Variants in CEP112 observed in about 807,000 individuals in gnomAD.
CEP112 encodes centrosomal protein of 112 kDa.
Under a neutral mutation model 153.0 loss-of-function variants are expected in CEP112, and 127 were observed. The observed-to-expected ratio is 0.83, with a 90% confidence interval of 0.72 to 0.96. The LOEUF (loss-of-function observed/expected upper bound fraction) is 0.96. Among genes scored for constraint, CEP112 ranks in the 40% least tolerant of loss-of-function variants. The pLI is 0.00. For synonymous variants in CEP112, 358 were observed against 374.4 expected (o/e 0.96, Z 0.51); for missense variants, 1,089 against 1,101.2 (o/e 0.99, Z 0.16).
At chr17:66,152,293 A>G (rs1452003152) in intron 4 of CEP112, among the ~76,000 whole-genome samples, 1 of 152,218 alleles carries the variant, frequency 6.6e-6, no homozygotes, top group Non-Finnish European at 1.5e-5. Context: ...CTTTTTACAT[A>G]GAGATAGAAA....
intron 17 of CEP112, among the ~76,000 whole-genome samples, chr17:65,981,020 T>C (rs927699859): frequency 1.3e-5 from 2 of 152,156 alleles, no homozygotes; most frequent in Admixed American, 1.3e-4. Context: ...TTCTCCATGT[T>C]GACCAGGCTG....
intron 23 of CEP112, among the ~76,000 whole-genome samples, chr17:65,701,150 A>G (rs2048611642): frequency 1.3e-5 from 2 of 152,192 alleles, no homozygotes; most frequent in African/African-American, 4.8e-5. Context: ...GATTTGGACA[A>G]GAGATGGCGA....
chr17:65,668,631 C>T (rs2046817976), intron 24 of CEP112, among the ~76,000 whole-genome samples: 1 of 152,194 alleles, frequency 6.6e-6, no homozygotes, highest in Non-Finnish European at 1.5e-5. Flanking sequence ...AATAAAAGTG[C>T]TCTCTCACAA....
intron 12 of CEP112, among the ~76,000 whole-genome samples, chr17:66,044,148 C>T (rs909591708): frequency 6.6e-6 from 1 of 152,090 alleles, no homozygotes; most frequent in Admixed American, 6.5e-5. Flanking sequence ...GGCTCCAAAG[C>T]ATGACTTTTC....
chr17:65,715,695 C>G (rs1367634310), intron 23 of CEP112, among the ~76,000 whole-genome samples: 1 of 152,194 alleles, frequency 6.6e-6, no homozygotes, highest in Non-Finnish European at 1.5e-5. Flanking sequence ...TTGTGATCCA[C>G]CCGCCTCGGC....
At chr17:65,971,415 A>AGCACATATATTGGGTGCATGTGATGTAT (rs148309566) in intron 17 of CEP112, among the ~76,000 whole-genome samples, 1 of 151,416 alleles carries the variant, frequency 6.6e-6, no homozygotes, top group African/African-American at 2.4e-5. Context: ...GCACCCATGC[A>AGCACATATATTGGGTGCATGTGATGTAT]GCATGCTGCA....
At chr17:66,170,638 C>A (rs1229422246) in intron 4 of CEP112, among the ~76,000 whole-genome samples, 1 of 152,042 alleles carries the variant, frequency 6.6e-6, no homozygotes, top group Non-Finnish European at 1.5e-5. Context: ...TGGTACGCAC[C>A]TGTAATCCCA....
At chr17:65,904,526 C>T (rs2059999372) in intron 19 of CEP112, among the ~76,000 whole-genome samples, 1 of 152,180 alleles carries the variant, frequency 6.6e-6, no homozygotes, top group African/African-American at 2.4e-5. Flanking sequence ...GGCCATGCTG[C>T]CCGAAGTAAT....
At chr17:66,074,920 G>A (rs1284159170) in intron 8 of CEP112, among the ~76,000 whole-genome samples, 1 of 147,492 alleles carries the variant, frequency 6.8e-6, no homozygotes, top group Non-Finnish European at 1.5e-5. Flanking sequence ...GAGGAAAACA[G>A]GCATTACATT....
At chr17:65,996,348 T>C (rs574667810) in intron 17 of CEP112, among the ~76,000 whole-genome samples, 1 of 140,248 alleles carries the variant, frequency 7.1e-6, no homozygotes, top group East Asian at 2.7e-4. Flanking sequence ...AAAGAAAATA[T>C]TTTTAAAATC....
At chr17:65,971,127 G>T (rs568382878) in intron 17 of CEP112, among the ~76,000 whole-genome samples, 17 of 152,182 alleles carry the variant, frequency 1.1e-4, no homozygotes, top group African/African-American at 3.6e-4. Context: ...GCGTGTATGA[G>T]ATTTATATTG....
intron 6 of CEP112, among the ~76,000 whole-genome samples, chr17:66,106,515 C>T (rs181352469): frequency 3.3e-5 from 5 of 152,068 alleles, no homozygotes; most frequent in Admixed American, 3.3e-4. Flanking sequence ...CTATGAGCAA[C>T]TATATGCTAA....
Position 66,029,128 on chromosome 17 carries a change from A to G in CEP112, c.1498T>C (p.Ser500Pro), listed in dbSNP as rs2065349531. The G allele has an allele frequency of 1.9e-6, 3 of 1,599,242 alleles. No individual in the cohort carries two copies. The highest frequency in any genetic ancestry group is 2.6e-6 in the Non-Finnish European group (3 of 1,168,496). Residue 500 changes from serine to proline, a missense_variant, in exon 14 of 27, where the codon TCT (serine) becomes CCT (proline). Ser to Pro is a moderately conservative substitution (Grantham distance 74, BLOSUM62 -1). Transcript: ENST00000535342. Reference protein sequence around the residue: ...LLKQEHALSASKASSMIEELE... With the variant: ...LLKQEHALSAPKASSMIEELE... ...TCTATTAACATAAATAATACCTTAG[A>G]AGCTGAAAGAGCATGTTCTTGTTTT...
At chr17:65,871,579 G>A (rs779141121) in intron 20 of CEP112, among the ~76,000 whole-genome samples, 1 of 152,198 alleles carries the variant, frequency 6.6e-6, no homozygotes, top group Non-Finnish European at 1.5e-5. Flanking sequence ...AGATTACAGT[G>A]AGCCAAGATC....
At chr17:65,913,930 G>A in intron 19 of CEP112, 1 of 947,920 alleles carries the variant, frequency 1.1e-6, no homozygotes, top group Non-Finnish European at 1.3e-6. Context: ...ATTATCCTGA[G>A]TTTTTAAAAC....
chr17:66,125,584 CTAAAA>C (rs1443070930), intron 6 of CEP112, among the ~76,000 whole-genome samples: 1 of 151,822 alleles, frequency 6.6e-6, no homozygotes, highest in East Asian at 1.9e-4. Flanking sequence ...ATGAAATTGC[CTAAAA>C]TAAAACTAGA....
intron 18 of CEP112, among the ~76,000 whole-genome samples, chr17:65,953,798 G>A (rs1354395088): frequency 6.6e-6 from 1 of 152,126 alleles, no homozygotes; most frequent in Admixed American, 6.5e-5. Flanking sequence ...AGCAGTAACA[G>A]CCAGCCCCAC....
At chr17:65,805,393 C>T (rs551648041) in intron 21 of CEP112, among the ~76,000 whole-genome samples, 1 of 152,120 alleles carries the variant, frequency 6.6e-6, no homozygotes, top group South Asian at 2.1e-4. Flanking sequence ...AAAGTAACAA[C>T]TGAAAGAAAA....
intron 18 of CEP112, among the ~76,000 whole-genome samples, chr17:65,938,764 A>G (rs1037993238): frequency 9.2e-5 from 14 of 152,256 alleles, no homozygotes; most frequent in African/African-American, 2.4e-4. Flanking sequence ...AATAAAATCA[A>G]CATTCAAAAA....
Sources: allele counts gnomAD v4.1 joint callset (sites outside exome capture counted in the v4.1 genomes callset), GRCh38; gene constraint gnomAD v4.1.1; transcripts MANE v1.5; gene names NCBI Gene and HGNC (gene_info 2026-07-23, HGNC 2026-07-21).